The following SLC5A3 variants were observed in gnomAD, a reference collection of about 807,000 sequenced individuals.
The protein encoded by SLC5A3 is solute carrier family 5 member 3, also known as sodium/myo-inositol cotransporter.
SLC5A3 carries 10 observed loss-of-function variants against 43.2 expected under a neutral mutation model. That is an observed-to-expected ratio of 0.23 (90% CI 0.14 to 0.39). SLC5A3 has a LOEUF of 0.39. SLC5A3 is among the 10% of genes least tolerant of loss of function. SLC5A3 has a pLI of 1.00. For missense variants in SLC5A3, 608 were observed against 893.4 expected (o/e 0.68, Z 4.07); for synonymous variants, 349 against 322.0 (o/e 1.08, Z -0.90).
Position 34,097,567 on chromosome 21 carries a change from T to G in SLC5A3, c.*212T>G. 1 of 1,334,726 alleles carries G rather than the reference T, an allele frequency of 7.5e-7. No homozygotes were observed. The highest frequency in any genetic ancestry group is 9.6e-7 in the Non-Finnish European group (1 of 1,037,552). 82.7% of individuals were successfully genotyped at this position (1,334,726 alleles called of 1,614,324 possible). ...TTAAGTGAAGCCAAACCTAACAGACTGAATTGTGCAAATGTGGTTTTAAAT... is the reference window on the plus strand; with the variant it reads ...TTAAGTGAAGCCAAACCTAACAGACGGAATTGTGCAAATGTGGTTTTAAAT... On this transcript the variant is annotated 3_prime_UTR_variant, in exon 2 of 2. Transcript: ENST00000381151.
chr21:34,079,255 A>G lies in SLC5A3; in HGVS notation c.-337+5510A>G, dbSNP rs1425279492. On this transcript the variant is annotated intron_variant, in intron 1 of 1. Coordinates refer to ENST00000381151, the MANE Select transcript of SLC5A3 (RefSeq NM_006933.7). Reference sequence around the variant, plus strand: ...AAAACTTTCACATTTCAGAGTCCATAAGTAAAGTTACATTGGAACATGACC... The same window carrying G: ...AAAACTTTCACATTTCAGAGTCCATGAGTAAAGTTACATTGGAACATGACC... Among the ~76,000 whole-genome samples the G allele has an allele frequency of 2.0e-5, 3 of 152,244 alleles. No homozygotes were observed. In the South Asian group the frequency reaches 6.2e-4, roughly 31 times the overall value.
At chr21:34,075,643 T>C (rs912291711) in intron 1 of SLC5A3, among the ~76,000 whole-genome samples, 1 of 152,198 alleles carries the variant, frequency 6.6e-6, no homozygotes, top group East Asian at 1.9e-4. Flanking sequence ...GTAACAGTGG[T>C]GACTTATGTA....
rs1199266476 is a variant in SLC5A3 at position 34,097,518 on chromosome 21, G to A, written c.*163G>A. 2.9e-6 allele frequency: 4 copies of A among 1,395,452 alleles called. No individual in the cohort carries two copies. Among genetic ancestry groups the A allele is most frequent in the African/African-American group, 2.9e-5 (2 of 68,272 alleles). 86.4% of individuals were successfully genotyped at this position (1,395,452 alleles called of 1,614,324 possible). ...AATTACAAGACTTTATTTTCCCAGA[G>A]ATGGATTAAAGTAAATCTTCAACTT... is the stretch of plus-strand genomic sequence containing the variant. On this transcript the variant is annotated 3_prime_UTR_variant, in exon 2 of 2. Coordinates refer to ENST00000381151, the MANE Select transcript of SLC5A3 (RefSeq NM_006933.7).
chr21:34,105,531 G>T lies in SLC5A3; in HGVS notation c.*8176G>T. On this transcript the variant is annotated 3_prime_UTR_variant, in exon 2 of 2. Coordinates refer to ENST00000381151, the MANE Select transcript of SLC5A3 (RefSeq NM_006933.7). ...TTAAAAGATGTCTACATTGAAACAT[G>T]TTCTTCCCAGTGTCCTGCTTATGAT... 1 of 999,648 alleles carries T rather than the reference G, an allele frequency of 1.0e-6. No homozygotes were observed. The highest frequency in any genetic ancestry group is 1.2e-6 in the Non-Finnish European group (1 of 829,534). 61.9% of individuals were successfully genotyped at this position (999,648 alleles called of 1,614,324 possible). A position where few individuals can be genotyped will look rare whatever the true frequency, so the allele number is the denominator to read the frequency against.
rs1989304704 is a variant in SLC5A3, at chr21:34,075,452, C to T, written c.-337+1707C>T. Reference sequence around the variant, plus strand: ...TAACATAGCCTTTGGATGTGGAGCACCCATTTTTCACTCTAGTTCAGATCA... The same window carrying T: ...TAACATAGCCTTTGGATGTGGAGCATCCATTTTTCACTCTAGTTCAGATCA... On this transcript the variant is annotated intron_variant, in intron 1 of 1. Coordinates refer to ENST00000381151, the MANE Select transcript of SLC5A3 (RefSeq NM_006933.7). Among the ~76,000 whole-genome samples the T allele has an allele frequency of 2.0e-5, 3 of 151,854 alleles. No homozygotes were observed. In the South Asian group the frequency reaches 6.2e-4, roughly 32 times the overall value.
chr21:34,103,173 T>G lies in SLC5A3; in HGVS notation c.*5818T>G. 1.0e-6 allele frequency: 1 copy of G among 1,000,110 alleles called. No individual in the cohort carries two copies. The highest frequency in any genetic ancestry group is 1.2e-6 in the Non-Finnish European group (1 of 829,842). The allele number at this position is 1,000,110 out of a possible 1,614,324, so 62.0% of individuals were successfully genotyped here. A position where few individuals can be genotyped will look rare whatever the true frequency, so the allele number is the denominator to read the frequency against. Reference sequence around the variant, plus strand: ...CCAGTATATATGGTATTCCATAATATAACCAGCTTTTGAAATTTATGTGTT... The same window carrying G: ...CCAGTATATATGGTATTCCATAATAGAACCAGCTTTTGAAATTTATGTGTT... On this transcript the variant is annotated 3_prime_UTR_variant, in exon 2 of 2. Transcript: ENST00000381151.
At position 34,095,366 on chromosome 21, in the gene SLC5A3, T is replaced by C; in HGVS notation, c.168T>C (p.Phe56=). The change falls in exon 2 of 2, where the codon TTT becomes TTC. Residue 56 remains phenylalanine, a synonymous_variant. Coordinates refer to ENST00000381151, the MANE Select transcript of SLC5A3 (RefSeq NM_006933.7). ...MTWVAIGASL[F]VSNIGSEHFI... is the part of the protein sequence containing the mutation. ...GGGTAGCAATTGGTGCCTCTCTGTTTGTGAGCAATATTGGGAGTGAGCACT... is the reference window on the plus strand; with the variant it reads ...GGGTAGCAATTGGTGCCTCTCTGTTCGTGAGCAATATTGGGAGTGAGCACT... 6.2e-7 allele frequency: 1 copy of C among 1,614,174 alleles called. No homozygotes were observed. The highest frequency in any genetic ancestry group is 1.1e-5 in the South Asian group (1 of 91,088).
rs142721463 is a variant in SLC5A3 at position 34,097,328 on chromosome 21, T to C, written c.2130T>C (p.Ile710=). The C allele has an allele frequency of 1.2e-6, 2 of 1,607,162 alleles. No homozygotes were observed. The highest frequency in any genetic ancestry group is 1.7e-6 in the Non-Finnish European group (2 of 1,176,938). Residue 710 remains isoleucine, a synonymous_variant, in exon 2 of 2, where the codon ATT becomes ATC. Coordinates refer to ENST00000381151, the MANE Select transcript of SLC5A3 (RefSeq NM_006933.7). ...IGLFAVCSLG[I]FMFVYFSL Reference sequence around the variant, plus strand: ...TTTTTGCTGTGTGTTCACTTGGAATTTTCATGTTTGTTTATTTCTCCTTAT... The same window carrying C: ...TTTTTGCTGTGTGTTCACTTGGAATCTTCATGTTTGTTTATTTCTCCTTAT...
In SLC5A3 at chr21:34,098,375, TG is replaced by T. The variant is rs1403614256; in HGVS notation, c.*1021del. ...CCTTTGTGTGCTGGATTGCTCTACT[TG>T]ATTAGATCATGATATATCAAGGTTG... is the stretch of plus-strand genomic sequence containing the variant. On this transcript the variant is annotated 3_prime_UTR_variant, in exon 2 of 2. Transcript: ENST00000381151. 1 of 1,000,196 alleles carries T rather than the reference TG, an allele frequency of 1.0e-6. No homozygotes were observed. Among genetic ancestry groups the T allele is most frequent in the Non-Finnish European group, 1.2e-6 (1 of 830,012 alleles). The allele number at this position is 1,000,196 out of a possible 1,614,324, so 62.0% of individuals were successfully genotyped here. A position where few individuals can be genotyped will look rare whatever the true frequency, so the allele number is the denominator to read the frequency against.
Position 34,099,688 on chromosome 21 carries a change from A to G in SLC5A3, c.*2333A>G. The G allele has an allele frequency of 1.0e-6, 1 of 998,038 alleles. No homozygotes were observed. The highest frequency in any genetic ancestry group is 1.2e-6 in the Non-Finnish European group (1 of 829,644). 61.8% of individuals were successfully genotyped at this position (998,038 alleles called of 1,614,324 possible). On this transcript the variant is annotated 3_prime_UTR_variant, in exon 2 of 2. Transcript: ENST00000381151. ...TCTACCTTCTTTCTGCTCTTGTCTTAGTAAGATACATAAGGTACATCATCT... is the reference window on the plus strand; with the variant it reads ...TCTACCTTCTTTCTGCTCTTGTCTTGGTAAGATACATAAGGTACATCATCT...
intron 1 of SLC5A3, among the ~76,000 whole-genome samples, chr21:34,076,861 G>T (rs1451968191): frequency 6.6e-6 from 1 of 152,206 alleles, no homozygotes; most frequent in Non-Finnish European, 1.5e-5. Context: ...ACCCATATCA[G>T]ATAGCATCAA....
In SLC5A3 at chr21:34,104,134, C is replaced by A. The variant is rs772924375; in HGVS notation, c.*6779C>A. 3.0e-6 allele frequency: 3 copies of A among 999,434 alleles called. No individual in the cohort carries two copies. The African/African-American group carries it at 5.3e-5, about 17-fold the overall frequency. The allele number at this position is 999,434 out of a possible 1,614,324, so 61.9% of individuals were successfully genotyped here. A position where few individuals can be genotyped will look rare whatever the true frequency, so the allele number is the denominator to read the frequency against. On this transcript the variant is annotated 3_prime_UTR_variant, in exon 2 of 2. Transcript: ENST00000381151. ...AGATGAAGTTACCTTTATTTTTTTC[C>A]TATACTTGACTGTGCTTCATTTTAA...
intron 1 of SLC5A3, among the ~76,000 whole-genome samples, chr21:34,076,384 A>G (rs1469441858): frequency 6.6e-6 from 1 of 152,198 alleles, no homozygotes; most frequent in Non-Finnish European, 1.5e-5. Flanking sequence ...GATTGTAGCA[A>G]AGTCAGTTGC....
Position 34,105,330 on chromosome 21 carries a change from A to G in SLC5A3, c.*7975A>G, listed in dbSNP as rs1979429815. ...TTCTTTTTTCTTTTTGATAAGATGG[A>G]TATCAAAAATAGTTGCTGTGCAAAA... is the stretch of plus-strand genomic sequence containing the variant. On this transcript the variant is annotated 3_prime_UTR_variant, in exon 2 of 2. Coordinates refer to ENST00000381151, the MANE Select transcript of SLC5A3 (RefSeq NM_006933.7). 12 of 998,722 alleles carry G rather than the reference A, an allele frequency of 1.2e-5. No homozygotes were observed. The highest frequency in any genetic ancestry group is 1.4e-5 in the Non-Finnish European group (12 of 828,650). The allele number at this position is 998,722 out of a possible 1,614,324, so 61.9% of individuals were successfully genotyped here.
intron 1 of SLC5A3, among the ~76,000 whole-genome samples, chr21:34,077,519 A>G (rs1488337584): frequency 2.0e-5 from 3 of 152,240 alleles, no homozygotes; most frequent in Non-Finnish European, 2.9e-5. Context: ...TAATGGCTTA[A>G]TAACTAATTC....
chr21:34,077,242 T>A (rs1205881260), intron 1 of SLC5A3, among the ~76,000 whole-genome samples: 1 of 152,236 alleles, frequency 6.6e-6, no homozygotes, highest in Non-Finnish European at 1.5e-5. Flanking sequence ...TAAAGCCGCA[T>A]ACTGTATAAT....
chr21:34,085,134 A>T (rs1569413613), intron 1 of SLC5A3, among the ~76,000 whole-genome samples: 1 of 152,220 alleles, frequency 6.6e-6, no homozygotes, highest in Non-Finnish European at 1.5e-5. Flanking sequence ...ATCAAGGATC[A>T]TATATTTACT....
intron 1 of SLC5A3, among the ~76,000 whole-genome samples, chr21:34,086,086 A>G (rs1569414003): frequency 6.6e-6 from 1 of 152,190 alleles, no homozygotes; most frequent in South Asian, 2.1e-4. Context: ...TTACTCTGTA[A>G]TAGCTTCTTA....
chr21:34,076,935 G>C (rs1267073924), intron 1 of SLC5A3, among the ~76,000 whole-genome samples: 1 of 152,214 alleles, frequency 6.6e-6, no homozygotes, highest in Non-Finnish European at 1.5e-5. Context: ...GGACATAGCC[G>C]CAAAGGAGAG....
Sources: gnomAD v4.1 joint callset for allele counts (sites outside exome capture counted in the v4.1 genomes callset) on GRCh38, gnomAD v4.1.1 for gene constraint, MANE v1.5 for transcripts, NCBI Gene and HGNC (gene_info 2026-07-23, HGNC 2026-07-21) for gene names.